Variants in KIF24 observed in about 807,000 individuals in gnomAD.
KIF24 encodes the protein kinesin-like protein KIF24.
In KIF24, 81 loss-of-function variants were observed where a neutral mutation model predicts 118.9. The ratio of observed to expected loss-of-function variants is 0.68; its 90% confidence interval spans 0.57 to 0.82. The LOEUF (loss-of-function observed/expected upper bound fraction) is 0.82. Ranked by LOEUF, KIF24 falls within the 40% of genes least tolerant of loss-of-function variation. The pLI is 0.00. For synonymous variants in KIF24, 599 were observed against 610.0 expected (o/e 0.98, Z 0.27); for missense variants, 1,560 against 1,661.6 (o/e 0.94, Z 1.06).
At chr9:34,282,477 A>T (rs776108740) in intron 6 of KIF24, 4 of 151,694 alleles carry the variant, frequency 2.6e-5, no homozygotes, top group Non-Finnish European at 5.9e-5. Context: ...ATATACTTTT[A>T]AAAAATCACT....
chr9:34,275,852 T>C (rs1835641124), intron 6 of KIF24, among the ~76,000 whole-genome samples: 2 of 151,986 alleles, frequency 1.3e-5, no homozygotes, highest in South Asian at 4.2e-4. Context: ...AAAAAAATTA[T>C]TTGATAGAAT....
At chr9:34,284,948 G>A (rs16935490) in intron 6 of KIF24, among the ~76,000 whole-genome samples, 3,728 of 152,200 alleles carry the variant, frequency 0.024, 118 homozygotes, top group East Asian at 0.16. Context: ...TAAAGCCAGG[G>A]TTGAGGAACA....
Position 34,263,175 on chromosome 9 carries a change from G to C in KIF24, c.1444-3C>G, listed in dbSNP as rs376103952. 2.5e-6 allele frequency: 4 copies of C among 1,611,184 alleles called. No individual in the cohort carries two copies. Among genetic ancestry groups the C allele is most frequent in the Non-Finnish European group, 3.4e-6 (4 of 1,178,028 alleles). ...AGTGCTCGGATACATTCCTTCAGCT[G>C]CAAAGTGGGAGAACAAGCACATCAA... On this transcript the variant is annotated splice_region_variant and splice_polypyrimidine_tract_variant and intron_variant, in intron 8 of 12. Transcript: ENST00000402558.
intron 6 of KIF24, among the ~76,000 whole-genome samples, chr9:34,279,337 C>T (rs1415514257): frequency 1.3e-5 from 2 of 152,202 alleles, no homozygotes; most frequent in Non-Finnish European, 2.9e-5. Flanking sequence ...CTGCCCATTA[C>T]AGCCAAGGCA....
upstream of KIF24, among the ~76,000 whole-genome samples, chr9:34,333,555 C>T (rs1587988304): frequency 6.8e-6 from 1 of 147,876 alleles, no homozygotes; most frequent in Admixed American, 6.9e-5. Context: ...ATTCCTTGAG[C>T]CCAGAAGGGA....
At position 34,318,615 on chromosome 9, in the gene KIF24, C is replaced by G; in HGVS notation, c.-25-7244G>C. The stretch of plus-strand genomic sequence containing the variant: ...GCGGTGGAGAACATCCTGGTGTCGC[C>G]CGTGGTGGTGGCCTCGTCGTTGGGG... On this transcript the variant is annotated intron_variant, in intron 1 of 12. Coordinates refer to ENST00000402558, the MANE Select transcript of KIF24 (RefSeq NM_194313.4). This position sits in a 1 kb window ranked among gnomAD's most constrained non-coding sequence, Gnocchi z 4.9. The G allele has an allele frequency of 6.6e-7, 1 of 1,506,020 alleles. No individual in the cohort carries two copies. The highest frequency in any genetic ancestry group is 9.1e-7 in the Non-Finnish European group (1 of 1,099,698). 93.3% of individuals were successfully genotyped at this position (1,506,020 alleles called of 1,614,324 possible).
At chr9:34,260,486 A>G (rs1373104672) in intron 9 of KIF24, among the ~76,000 whole-genome samples, 1 of 152,220 alleles carries the variant, frequency 6.6e-6, no homozygotes, top group Non-Finnish European at 1.5e-5. Flanking sequence ...CTCCGTAAGC[A>G]GATCCATATG....
At chr9:34,280,898 A>G (rs1302109363) in intron 6 of KIF24, among the ~76,000 whole-genome samples, 1 of 152,202 alleles carries the variant, frequency 6.6e-6, no homozygotes, top group Non-Finnish European at 1.5e-5. Flanking sequence ...AATTTTGAAA[A>G]AGCAACAACA....
At chr9:34,296,046 C>G (rs1312399340) in intron 4 of KIF24, among the ~76,000 whole-genome samples, 2 of 147,998 alleles carry the variant, frequency 1.4e-5, no homozygotes, top group Non-Finnish European at 3.0e-5. Context: ...AGTGAAACCC[C>G]GTCTCTACTA....
At chr9:34,254,777 G>C (rs905380807) in intron 12 of KIF24, among the ~76,000 whole-genome samples, 48 of 152,152 alleles carry the variant, frequency 3.2e-4, no homozygotes, top group African/African-American at 1.0e-3. Flanking sequence ...CAGCAGACTG[G>C]TCACTGTTAG....
chr9:34,263,643 A>G (rs1019251200), intron 8 of KIF24, among the ~76,000 whole-genome samples: 1 of 152,132 alleles, frequency 6.6e-6, no homozygotes, highest in Non-Finnish European at 1.5e-5. Context: ...GATATAAACT[A>G]TCTGAATGGG....
intron 4 of KIF24, among the ~76,000 whole-genome samples, chr9:34,292,474 G>A (rs186944966): frequency 6.6e-6 from 1 of 152,090 alleles, no homozygotes; most frequent in East Asian, 1.9e-4. Context: ...CTGGGCTTGC[G>A]TTCTTAACTT....
chr9:34,316,115 GC>G (rs1162976693), intron 1 of KIF24, among the ~76,000 whole-genome samples: 1 of 152,046 alleles, frequency 6.6e-6, no homozygotes, highest in Admixed American at 6.5e-5. Flanking sequence ...ACTTTGGCAG[GC>G]CAAGGTGGGT....
chr9:34,254,167 C>T lies in KIF24; in HGVS notation c.*213G>A, dbSNP rs1266607030. ...TCGGCCTGGCCCACCCTTGGAGGCA[C>T]TCCTGTGCATGGAACTGAGGGACAG... On this transcript the variant is annotated 3_prime_UTR_variant, in exon 13 of 13. Transcript: ENST00000402558. The T allele has an allele frequency of 9.0e-6, 4 of 444,328 alleles. No homozygotes were observed. Among genetic ancestry groups the T allele is most frequent in the African/African-American group, 4.0e-5 (2 of 49,704 alleles). 27.5% of individuals were successfully genotyped at this position (444,328 alleles called of 1,614,324 possible).
chr9:34,269,773 A>C (rs1835433392), intron 7 of KIF24, among the ~76,000 whole-genome samples: 1 of 152,100 alleles, frequency 6.6e-6, no homozygotes, highest in African/African-American at 2.4e-5. Flanking sequence ...AGAAATTAAC[A>C]TTGGCCCATC....
At chr9:34,326,947 C>A (rs1350656160) in intron 1 of KIF24, among the ~76,000 whole-genome samples, 7 of 150,338 alleles carry the variant, frequency 4.7e-5, no homozygotes, top group Non-Finnish European at 3.0e-5. Context: ...ACTGAACTGA[C>A]AAAAAAAAAT....
chr9:34,285,774 CAA>C (rs59097671), intron 6 of KIF24, among the ~76,000 whole-genome samples: 9 of 65,026 alleles, frequency 1.4e-4, no homozygotes, highest in Admixed American at 1.9e-4. Context: ...GACTCCATCT[CAA>C]AAAAAAAAAA....
At position 34,255,226 on chromosome 9, in the gene KIF24, T is replaced by C. The variant is rs915733552; in HGVS notation, c.3873-61A>G. ...GCCTCCCAGCCTCTCCTGGGTAGCT[T>C]TCTGGAGGTGATCTCATTTGTAAGC... is the stretch of plus-strand genomic sequence containing the variant. On this transcript the variant is annotated intron_variant, in intron 11 of 12. Transcript: ENST00000402558. 5.8e-6 allele frequency: 6 copies of C among 1,032,486 alleles called. No individual in the cohort carries two copies. In the South Asian group the frequency reaches 8.3e-5, roughly 14 times the overall value. 64.0% of individuals were successfully genotyped at this position (1,032,486 alleles called of 1,614,324 possible). A position where few individuals can be genotyped will look rare whatever the true frequency, so the allele number is the denominator to read the frequency against.
chr9:34,292,329 T>C (rs1198100274), intron 4 of KIF24, among the ~76,000 whole-genome samples: 2 of 152,230 alleles, frequency 1.3e-5, no homozygotes, highest in East Asian at 3.8e-4. Context: ...TTTCCTCCAA[T>C]ATCCACCCTT....
Sources: gnomAD v4.1 joint callset for allele counts (sites outside exome capture counted in the v4.1 genomes callset) on GRCh38, gnomAD v4.1.1 for gene constraint, Gnocchi (gnomAD v3.1) non-coding constraint, MANE v1.5 for transcripts, NCBI Gene and HGNC (gene_info 2026-07-23, HGNC 2026-07-21) for gene names.